Variants in TCHP observed in about 807,000 individuals in gnomAD.
The protein encoded by TCHP is trichoplein keratin filament-binding protein.
In TCHP, 81 loss-of-function variants were observed where a neutral mutation model predicts 88.7. The ratio of observed to expected loss-of-function variants is 0.91; its 90% CI spans 0.76 to 1.10. TCHP has a LOEUF of 1.10. Among genes scored for constraint, TCHP ranks in the 50% least tolerant of loss-of-function variants. The pLI, the probability that TCHP is intolerant of heterozygous loss-of-function variation, is 0.00. For synonymous variants in TCHP, 232 were observed against 232.5 expected (o/e 1.00, Z 0.02); for missense variants, 641 against 632.1 (o/e 1.01, Z -0.15).
chr12:109,904,880 C>G (rs16940657), intron 4 of TCHP, 87 bp downstream of exon 4: 4 of 1,257,278 alleles, frequency 3.2e-6, no homozygotes, highest in Non-Finnish European at 4.5e-6. Context: ...TATCTTGTAC[C>G]GGGTTGAAAC....
chr12:109,890,579 G>A, the TCHP span, among the ~76,000 whole-genome samples: 2 of 150,656 alleles, frequency 1.3e-5, no homozygotes. Flanking sequence ...GCGTGACCTC[G>A]GCTCACTGCA....
the TCHP span, among the ~76,000 whole-genome samples, chr12:109,894,462 C>CAAA: frequency 0.019 from 2,050 of 107,788 alleles, 28 homozygotes; most frequent in South Asian, 0.059. Flanking sequence ...GACTCCGTCT[C>CAAA]AAAAAAAAAA....
At chr12:109,885,279 T>C in the TCHP span, among the ~76,000 whole-genome samples, 1 of 152,202 alleles carries the variant, frequency 6.6e-6, no homozygotes, top group South Asian at 2.1e-4. Context: ...CCCAGGACAG[T>C]AACTTTGTAG....
At position 109,903,630 on chromosome 12, in the gene TCHP, C is replaced by T. The variant is rs924751754; in HGVS notation, c.189-307C>T. Among the ~76,000 whole-genome samples, 1 of 152,230 alleles carries T rather than the reference C, an allele frequency of 6.6e-6. No homozygotes were observed. Among genetic ancestry groups the T allele is most frequent in the African/African-American group, 2.4e-5 (1 of 41,458 alleles). ...ACCTAGATGGAAATCCTGACCGTGT[C>T]TCTTGCTGAATGTATGAGCTTTGGT... On this transcript the variant is annotated intron_variant, in intron 2 of 12. Coordinates refer to ENST00000405876, the MANE Select transcript of TCHP (RefSeq NM_001143852.2). This position sits in a 1 kb window ranked among gnomAD's most constrained non-coding sequence, Gnocchi z 4.6.
At chr12:109,901,782 C>A (rs1445531403) in intron 1 of TCHP, among the ~76,000 whole-genome samples, 1 of 152,220 alleles carries the variant, frequency 6.6e-6, no homozygotes, top group Non-Finnish European at 1.5e-5. Flanking sequence ...GCTCCCCTCC[C>A]CTTCCTAAAC....
chr12:109,905,508 C>T lies in TCHP; in HGVS notation c.456+715C>T, dbSNP rs1428824025. On this transcript the variant is annotated intron_variant, in intron 4 of 12. Coordinates refer to ENST00000405876, the MANE Select transcript of TCHP (RefSeq NM_001143852.2). This position sits in a 1 kb window ranked among gnomAD's most constrained non-coding sequence, Gnocchi z 4.0. ...GGGAGGGGTGCTGCGACAGCCCAGC[C>T]GGGGGTTGGTGAAGGCCTGAACTGG... Among the ~76,000 whole-genome samples the T allele has an allele frequency of 1.3e-5, 2 of 152,112 alleles. No homozygotes were observed. The highest frequency in any genetic ancestry group is 4.8e-5 in the African/African-American group (2 of 41,420).
upstream of TCHP, among the ~76,000 whole-genome samples, chr12:109,896,131 G>A (rs1308257664): frequency 1.3e-5 from 2 of 151,612 alleles, no homozygotes; most frequent in Non-Finnish European, 2.9e-5. Flanking sequence ...ATTTTTGGTG[G>A]AGATGGGGTT....
intron 12 of TCHP, among the ~76,000 whole-genome samples, chr12:109,916,263 G>A (rs1870812023): frequency 6.6e-6 from 1 of 152,214 alleles, no homozygotes; most frequent in South Asian, 2.1e-4. Context: ...ATTAGAGCAG[G>A]TGCTGCGTTT....
chr12:109,908,810 C>G (rs934257159), intron 7 of TCHP, 61 bp from the exon 8 acceptor site: 1 of 1,586,660 alleles, frequency 6.3e-7, no homozygotes, highest in Non-Finnish European at 8.7e-7. Context: ...CAGCAGTTAT[C>G]TAACTTCTAT....
rs1049865636 is a variant in TCHP at position 109,905,380 on chromosome 12, C to T, written c.456+587C>T. Among the ~76,000 whole-genome samples the T allele has an allele frequency of 3.9e-5, 6 of 152,140 alleles. No individual in the cohort carries two copies. The highest frequency in any genetic ancestry group is 6.5e-5 in the Admixed American group (1 of 15,272). ...TGGCGAGGCAGAGGGTGCCAGACAT[C>T]GGAAGAGCTTGTGTGACCTTCCTCC... On this transcript the variant is annotated intron_variant, in intron 4 of 12. Transcript: ENST00000405876. This position sits in a 1 kb window ranked among gnomAD's most constrained non-coding sequence, Gnocchi z 4.0.
intron 4 of TCHP, 23 bp downstream of exon 4, chr12:109,904,816 G>T: frequency 6.2e-7 from 1 of 1,603,232 alleles, no homozygotes; most frequent in Non-Finnish European, 8.5e-7. Flanking sequence ...GATCTCCATT[G>T]ATTTATCTAA....
At chr12:109,881,470 C>G in the TCHP span, among the ~76,000 whole-genome samples, 1 of 152,228 alleles carries the variant, frequency 6.6e-6, no homozygotes, top group Non-Finnish European at 1.5e-5. Flanking sequence ...AGAATATTCA[C>G]CAAGTAACCA....
chr12:109,904,756 A>G lies in TCHP; in HGVS notation c.419A>G (p.Tyr140Cys), dbSNP rs149555348. 6.6e-5 allele frequency: 107 copies of G among 1,613,556 alleles called. No individual in the cohort carries two copies. The African/African-American group carries it at 1.3e-3, about 20-fold the overall frequency. Residue 140 changes from tyrosine to cysteine, a missense_variant, in exon 4 of 13, where the codon TAC becomes TGC. By Grantham distance (194) the Tyr-to-Cys change is radical. Coordinates refer to ENST00000405876, the MANE Select transcript of TCHP (RefSeq NM_001143852.2). ...TGATAGATTGCTGAACAACTTTTGTACGAACACTGGAAAAAGAACAACCCG... is the reference window on the plus strand; with the variant it reads ...TGATAGATTGCTGAACAACTTTTGTGCGAACACTGGAAAAAGAACAACCCG... ...QRKLIAEQLL[Y>C]EHWKKNNPKL...
chr12:109,911,187 A>G lies in TCHP; in HGVS notation c.1004A>G (p.Gln335Arg). ...TGGATGAAGCAGGCCATTGAGGAGC[A>G]GCTGCAGCTGGAGCGGGCGCGGGAG... Reference protein sequence around the residue: ...VAWMKQAIEEQLQLERAREAE... With the variant: ...VAWMKQAIEERLQLERAREAE... Residue 335 changes from glutamine to arginine, a missense_variant, in exon 9 of 13, where the codon CAG (glutamine) becomes CGG (arginine). By Grantham distance (43) the Gln-to-Arg change is conservative. Coordinates refer to ENST00000405876, the MANE Select transcript of TCHP (RefSeq NM_001143852.2). 6.3e-7 allele frequency: 1 copy of G among 1,590,756 alleles called. No homozygotes were observed. Among genetic ancestry groups the G allele is most frequent in the Non-Finnish European group, 8.5e-7 (1 of 1,171,198 alleles).
At chr12:109,911,455 A>G (rs1251587084) in intron 9 of TCHP, among the ~76,000 whole-genome samples, 5 of 151,892 alleles carry the variant, frequency 3.3e-5, no homozygotes, top group African/African-American at 1.2e-4. Context: ...TCTACCAAAA[A>G]TACACAAATT....
At chr12:109,910,005 G>T (rs550039120) in intron 8 of TCHP, among the ~76,000 whole-genome samples, 1 of 152,058 alleles carries the variant, frequency 6.6e-6, no homozygotes, top group African/African-American at 2.4e-5. Flanking sequence ...CAGGCATGGT[G>T]GTGCACACCT....
At chr12:109,889,390 A>G in the TCHP span, among the ~76,000 whole-genome samples, 35 of 150,548 alleles carry the variant, frequency 2.3e-4, no homozygotes, top group Admixed American at 4.0e-4. Flanking sequence ...GGAGAATGGC[A>G]TGAACCCAGG....
the TCHP span, among the ~76,000 whole-genome samples, chr12:109,885,635 T>C: frequency 6.6e-6 from 1 of 151,992 alleles, no homozygotes; most frequent in African/African-American, 2.4e-5. Context: ...GCGCTCACCA[T>C]CACGCCCAGC....
the TCHP span, among the ~76,000 whole-genome samples, chr12:109,887,503 T>G: frequency 6.6e-6 from 1 of 152,142 alleles, no homozygotes; most frequent in Admixed American, 6.5e-5. Flanking sequence ...CTTTTCTCCC[T>G]TTTCTTGTTT....
Sources: gnomAD v4.1 joint callset for allele counts (sites outside exome capture counted in the v4.1 genomes callset) on GRCh38, gnomAD v4.1.1 for gene constraint, Gnocchi (gnomAD v3.1) non-coding constraint, MANE v1.5 for transcripts, NCBI Gene and HGNC (gene_info 2026-07-23, HGNC 2026-07-21) for gene names.